ITPKC: variants seen among roughly 807,000 people sequenced by gnomAD.
ITPKC encodes the protein IP3 3-kinase C.
In ITPKC, 33 loss-of-function variants were observed where a neutral mutation model predicts 67.1. The ratio of observed to expected loss-of-function variants is 0.49; its 90% CI spans 0.37 to 0.66. The LOEUF (loss-of-function observed/expected upper bound fraction) is 0.66, where lower values mean the gene tolerates loss of function less well. Ranked by LOEUF, ITPKC falls within the 30% of genes least tolerant of loss-of-function variation. The pLI, the probability that ITPKC is intolerant of heterozygous loss-of-function variation, is 0.00. For missense variants in ITPKC, 820 were observed against 892.1 expected (o/e 0.92, Z 1.03); for synonymous variants, 341 against 359.8 (o/e 0.95, Z 0.59).
chr19:40,729,399 T>G lies in ITPKC; in HGVS notation c.1453T>G (p.Cys485Gly), dbSNP rs773556820. ...ADFEGPSIMD[C>G]KMGSRTYLEE... is the part of the protein sequence containing the mutation. ...CTTTGAGGGCCCCTCCATTATGGAC[T>G]GCAAGATGGGCAGCAGGTGGGGCTG... The change falls in exon 3 of 7, where the codon TGC becomes GGC. Residue 485 changes from cysteine to glycine, a missense_variant. By Grantham distance (159) the Cys-to-Gly change is radical. Around this residue, in one of 2 missense-constraint regions of ITPKC, gnomAD observed 339 missense variants for 422.0 expected, o/e 0.80. Transcript: ENST00000263370. The G allele has an allele frequency of 2.7e-5, 44 of 1,612,940 alleles. No individual in the cohort carries two copies. The highest frequency in any genetic ancestry group is 5.1e-6 in the Non-Finnish European group (6 of 1,179,710).
At chr19:40,723,415 T>C (rs982524250) in intron 1 of ITPKC, among the ~76,000 whole-genome samples, 3 of 152,118 alleles carry the variant, frequency 2.0e-5, no homozygotes, top group African/African-American at 7.2e-5. Context: ...TCCTTTGTTC[T>C]CTCTCTCTTT....
chr19:40,737,566 C>T, intron 5 of ITPKC, 132 bp from the exon 6 acceptor site: 1 of 761,714 alleles, frequency 1.3e-6, no homozygotes, highest in South Asian at 1.5e-5. Context: ...CCTGTCTTCC[C>T]CATGGCTCCC....
intron 2 of ITPKC, 38 bp from the exon 3 acceptor site, chr19:40,729,164 C>G (rs558083572): frequency 1.4e-5 from 22 of 1,540,228 alleles, no homozygotes; most frequent in Middle Eastern, 1.7e-4. Context: ...TCTTCCTGAT[C>G]CAGTTCCTGA....
At chr19:40,718,508 T>C (rs2144729524) in intron 1 of ITPKC, among the ~76,000 whole-genome samples, 1 of 152,280 alleles carries the variant, frequency 6.6e-6, no homozygotes, top group Non-Finnish European at 1.5e-5. Context: ...CTTCCTGCAC[T>C]GTCTCCACTC....
Position 40,717,841 on chromosome 19 carries a change from G to A in ITPKC, c.706G>A (p.Asp236Asn), listed in dbSNP as rs76785336. 155 of 1,614,074 alleles carry A rather than the reference G, an allele frequency of 9.6e-5. 1 individual carries two copies. The East Asian group carries it at 3.2e-3, about 33-fold the overall frequency. Residue 236 changes from aspartate (D) to asparagine (N), a missense_variant, in exon 1 of 7, where the codon GAT (aspartate) becomes AAT (asparagine). By Grantham distance (23) the Asp-to-Asn change is conservative. Around this residue, in one of 2 missense-constraint regions of ITPKC, gnomAD observed 481 missense variants for 470.1 expected, o/e 1.02. Coordinates refer to ENST00000263370, the MANE Select transcript of ITPKC (RefSeq NM_025194.3). ...TACTGATGGCTCCAGGACACAACAG[G>A]ATATTGAAGGTCCCTGGACAGAGCC... ...LYTDGSRTQQ[D>N]IEGPWTEPYT... is the part of the protein sequence containing the mutation.
At chr19:40,737,612 G>C (rs2082300682) in intron 5 of ITPKC, 86 bp from the exon 6 acceptor site, 1 of 1,182,508 alleles carries the variant, frequency 8.5e-7, no homozygotes, top group Non-Finnish European at 1.3e-6. Context: ...CTGCTCCTTT[G>C]GGGGAATGGG....
intron 1 of ITPKC, among the ~76,000 whole-genome samples, chr19:40,719,494 C>T (rs532649833): frequency 6.8e-6 from 1 of 146,134 alleles, no homozygotes; most frequent in Non-Finnish European, 1.5e-5. Context: ...GAGGTAGATA[C>T]TTTTTTTTTT....
rs192197262 is a variant in ITPKC at position 40,732,837 on chromosome 19, G to A, written c.1470-323G>A. ...TATGTTTTCTTCTACAAGCTTTATTGTTTTAGCTTTCATATTTAGACCTAC... is the reference window on the plus strand; with the variant it reads ...TATGTTTTCTTCTACAAGCTTTATTATTTTAGCTTTCATATTTAGACCTAC... On this transcript the variant is annotated intron_variant, in intron 3 of 6. Transcript: ENST00000263370. 2.6e-3 allele frequency among the ~76,000 whole-genome samples: 402 copies of A among 152,270 alleles called. 1 individual carries two copies. Among genetic ancestry groups the A allele is most frequent in the African/African-American group, 9.4e-3 (392 of 41,546 alleles).
chr19:40,723,369 C>T (rs1047301723), intron 1 of ITPKC, among the ~76,000 whole-genome samples: 1 of 152,218 alleles, frequency 6.6e-6, no homozygotes, highest in African/African-American at 2.4e-5. Flanking sequence ...GTTGAGATTA[C>T]AGGCGTAAGC....
rs1409774408 is a variant in ITPKC, at chr19:40,718,197, C to T, written c.1062C>T (p.Ser354=). The T allele has an allele frequency of 6.4e-7, 1 of 1,570,410 alleles. No homozygotes were observed. The highest frequency in any genetic ancestry group is 8.6e-7 in the Non-Finnish European group (1 of 1,161,868). The change falls in exon 1 of 7, where the codon AGC becomes AGT. Residue 354 remains serine, a synonymous_variant. Transcript: ENST00000263370. ...VGPPSRVEGG[S]GGFSSASSFD... Reference sequence around the variant, plus strand: ...CCCCCTCCCGGGTTGAGGGGGGCAGCGGCGGCTTCTCCTCTGCCTCTTCTT... The same window carrying T: ...CCCCCTCCCGGGTTGAGGGGGGCAGTGGCGGCTTCTCCTCTGCCTCTTCTT...
intron 1 of ITPKC, among the ~76,000 whole-genome samples, chr19:40,718,914 C>A (rs373309673): frequency 1.3e-5 from 2 of 152,198 alleles, no homozygotes; most frequent in South Asian, 2.1e-4. Context: ...CCCTACATCC[C>A]CAAGGAGCCC....
intron 4 of ITPKC, among the ~76,000 whole-genome samples, chr19:40,736,326 C>G (rs1291413198): frequency 6.6e-6 from 1 of 151,948 alleles, no homozygotes; most frequent in Non-Finnish European, 1.5e-5. Context: ...GATTCACAGC[C>G]AGCTCCACCC....
intron 4 of ITPKC, among the ~76,000 whole-genome samples, chr19:40,734,574 G>A (rs1196729198): frequency 2.0e-5 from 3 of 151,680 alleles, no homozygotes; most frequent in Non-Finnish European, 4.4e-5. Context: ...AGCCTGTAGG[G>A]CCCTCTAGGA....
intron 1 of ITPKC, among the ~76,000 whole-genome samples, chr19:40,719,104 G>A (rs915405206): frequency 6.6e-6 from 1 of 152,192 alleles, no homozygotes; most frequent in African/African-American, 2.4e-5. Context: ...CGAGTCCGGA[G>A]TCCATCAGCT....
At chr19:40,727,381 A>C (rs1192213220) in intron 2 of ITPKC, among the ~76,000 whole-genome samples, 1 of 151,952 alleles carries the variant, frequency 6.6e-6, no homozygotes, top group Non-Finnish European at 1.5e-5. Context: ...ACAAAACAAA[A>C]CCCAAAAACC....
intron 1 of ITPKC, among the ~76,000 whole-genome samples, chr19:40,719,456 C>T (rs1416637605): frequency 3.9e-5 from 6 of 151,968 alleles, no homozygotes; most frequent in Non-Finnish European, 8.8e-5. Context: ...CTTTTATTAA[C>T]TCACTCACTC....
chr19:40,725,285 A>G, intron 1 of ITPKC, 55 bp from the exon 2 acceptor site: 1 of 1,166,512 alleles, frequency 8.6e-7, no homozygotes, highest in East Asian at 2.3e-5. Flanking sequence ...CAGCACCTCT[A>G]GCCCCTGCCT....
At chr19:40,739,235 A>G (rs1269206340) in intron 6 of ITPKC, 122 bp from the exon 7 acceptor site, 18 of 679,136 alleles carry the variant, frequency 2.7e-5, no homozygotes, top group Non-Finnish European at 4.0e-5. Context: ...CACAGCCAGG[A>G]TATGAATCAG....
Position 40,717,342 on chromosome 19 carries a change from C to T in ITPKC, c.207C>T (p.Ser69=), listed in dbSNP as rs2082194381. 1.9e-6 allele frequency: 3 copies of T among 1,607,780 alleles called. No homozygotes were observed. Among genetic ancestry groups the T allele is most frequent in the South Asian group, 1.1e-5 (1 of 90,726 alleles). ...WARTEGSSLH[S]EPERAGLGPA... ...GGACAGAGGGGTCCAGCCTCCACAG[C>T]GAGCCTGAGAGGGCCGGCCTCGGGC... The change falls in exon 1 of 7, where the codon AGC becomes AGT. Residue 69 remains serine (S), a synonymous_variant. Transcript: ENST00000263370.
Sources: gnomAD v4.1 joint callset for allele counts (sites outside exome capture counted in the v4.1 genomes callset) on GRCh38, gnomAD v4.1.1 for gene constraint, gnomAD v4.1.1 regional missense constraint, MANE v1.5 for transcripts, NCBI Gene and HGNC (gene_info 2026-07-23, HGNC 2026-07-21) for gene names.